Variants in CEP89 observed in about 807,000 individuals in gnomAD.
CEP89 encodes centrosomal protein 89, also known as centrosomal protein of 89 kDa.
A neutral mutation model predicts 97.6 loss-of-function variants in CEP89; 95 were observed. The observed-to-expected ratio is 0.97, with a 90% CI of 0.82 to 1.15. The LOEUF is 1.15. Among genes scored for constraint, CEP89 ranks in the 50% most tolerant of loss-of-function variants. CEP89 has a pLI of 0.00. For synonymous variants in CEP89, 354 were observed against 349.1 expected (o/e 1.01, Z -0.16); for missense variants, 869 against 947.7 (o/e 0.92, Z 1.09).
At chr19:32,969,742 C>G (rs1007906643) in intron 1 of CEP89, 1 of 152,292 alleles carries the variant, frequency 6.6e-6, no homozygotes, top group Non-Finnish European at 1.5e-5. Context: ...CTCCTGCCTG[C>G]GCGGCTGCAG....
At chr19:32,884,903 T>C (rs1969362560) in intron 17 of CEP89, among the ~76,000 whole-genome samples, 1 of 152,210 alleles carries the variant, frequency 6.6e-6, no homozygotes, top group Non-Finnish European at 1.5e-5. Context: ...TTCTTGTAGT[T>C]GGCTTTATTC....
intron 3 of CEP89, among the ~76,000 whole-genome samples, chr19:32,956,751 T>C (rs1158985183): frequency 6.6e-6 from 1 of 152,240 alleles, no homozygotes; most frequent in Admixed American, 6.5e-5. Flanking sequence ...TTTTCTGTTC[T>C]ATTAATATTA....
intron 14 of CEP89, among the ~76,000 whole-genome samples, chr19:32,904,595 C>CTT: frequency 1.5e-5 from 2 of 136,272 alleles, no homozygotes; most frequent in African/African-American, 5.7e-5. Context: ...TTTCTTTCTT[C>CTT]CTTTTTTTTT....
rs1971130841 is a variant in CEP89 at position 32,959,965 on chromosome 19, A to G, written c.240T>C (p.Asp80=). ...QPRQRSRSES[D]VSSVEQDSFI... is the part of the protein sequence containing the mutation. ...AGCTGTCCTGTTCAACACTGCTCAC[A>G]TCACTCTCAGACCGGGACCTCTGGC... The change falls in exon 3 of 19, where the codon GAT becomes GAC. Residue 80 remains aspartate (D), a synonymous_variant. Coordinates refer to ENST00000305768, the MANE Select transcript of CEP89 (RefSeq NM_032816.5). 8 of 1,614,070 alleles carry G rather than the reference A, an allele frequency of 5.0e-6. No individual in the cohort carries two copies. The highest frequency in any genetic ancestry group is 6.8e-6 in the Non-Finnish European group (8 of 1,180,034).
chr19:32,922,478 G>C (rs914626108), intron 12 of CEP89, among the ~76,000 whole-genome samples: 3 of 152,164 alleles, frequency 2.0e-5, no homozygotes, highest in Non-Finnish European at 4.4e-5. Context: ...AGGAGGTTGA[G>C]GCTGCAGTGA....
chr19:32,882,918 G>A (rs1034929052), intron 17 of CEP89, among the ~76,000 whole-genome samples: 4 of 152,168 alleles, frequency 2.6e-5, no homozygotes, highest in South Asian at 4.2e-4. Context: ...GAGTGCAGTG[G>A]CGCAATATCA....
intron 12 of CEP89, among the ~76,000 whole-genome samples, chr19:32,920,219 G>A (rs1031276247): frequency 6.6e-6 from 1 of 151,802 alleles, no homozygotes; most frequent in Non-Finnish European, 1.5e-5. Context: ...TAATTGTTTT[G>A]TTTTTGTTTT....
At chr19:32,951,157 T>C (rs1435602911) in intron 4 of CEP89, among the ~76,000 whole-genome samples, 1 of 152,188 alleles carries the variant, frequency 6.6e-6, no homozygotes, top group African/African-American at 2.4e-5. Context: ...ATAAGTCTAC[T>C]AAAAACATAC....
chr19:32,905,491 ATT>A (rs71176166), intron 14 of CEP89, among the ~76,000 whole-genome samples: 3 of 150,392 alleles, frequency 2.0e-5, no homozygotes, highest in African/African-American at 7.3e-5. Context: ...TCAAAGGAAG[ATT>A]TTTTTTTTTA....
intron 14 of CEP89, among the ~76,000 whole-genome samples, chr19:32,906,945 C>T (rs564201266): frequency 6.6e-6 from 1 of 152,242 alleles, no homozygotes; most frequent in Non-Finnish European, 1.5e-5. Context: ...GAGATCCTCC[C>T]GCCCTGGCCT....
At chr19:32,964,362 G>A (rs1161129150) in intron 2 of CEP89, among the ~76,000 whole-genome samples, 1 of 152,092 alleles carries the variant, frequency 6.6e-6, no homozygotes, top group Non-Finnish European at 1.5e-5. Flanking sequence ...AGTGGAGATA[G>A]GTTTTCACCG....
chr19:32,948,366 C>T lies in CEP89; in HGVS notation c.495G>A (p.Val165=), dbSNP rs775579685. The part of the protein sequence containing the change: ...DLYAVPHRNQ[V]PLLHEVNSED... ...CACTGTTCACCTCATGTAACAATGG[C>T]ACCTTTTTGTTATAAAAGACAAAGG... The change falls in exon 5 of 19, where the codon GTG becomes GTA. Residue 165 remains valine (V), a splice_region_variant and synonymous_variant. Coordinates refer to ENST00000305768, the MANE Select transcript of CEP89 (RefSeq NM_032816.5). The T allele has an allele frequency of 1.9e-6, 3 of 1,593,736 alleles. No homozygotes were observed. Among genetic ancestry groups the T allele is most frequent in the Admixed American group, 1.8e-5 (1 of 57,068 alleles).
rs143380110 is a variant in CEP89, at chr19:32,953,699, G to A, written c.408C>T (p.Ser136=). ...CACTGACATCCCCCAATTCCTTGCC[G>A]CTGGATGACAGCTGAGTTTCAATGT... ...EEDIETQLSS[S]GKELGDVSAR... The change falls in exon 4 of 19, where the codon AGC becomes AGT. Residue 136 remains serine (S), a synonymous_variant. Coordinates refer to ENST00000305768, the MANE Select transcript of CEP89 (RefSeq NM_032816.5). The A allele has an allele frequency of 6.8e-6, 11 of 1,613,738 alleles. No homozygotes were observed. The African/African-American group carries it at 1.1e-4, about 16-fold the overall frequency.
intron 12 of CEP89, among the ~76,000 whole-genome samples, chr19:32,919,482 T>A (rs1036217): frequency 6.6e-6 from 1 of 151,998 alleles, no homozygotes; most frequent in African/African-American, 2.4e-5. Flanking sequence ...GCTGTAACAA[T>A]GGTGTGGCCC....
chr19:32,952,402 G>T (rs1387405609), intron 4 of CEP89, among the ~76,000 whole-genome samples: 1 of 151,306 alleles, frequency 6.6e-6, no homozygotes, highest in African/African-American at 2.4e-5. Context: ...GATCACTTGA[G>T]CCCAGGAGGA....
intron 17 of CEP89, among the ~76,000 whole-genome samples, chr19:32,882,937 C>A (rs1369332967): frequency 6.6e-6 from 1 of 152,078 alleles, no homozygotes; most frequent in Non-Finnish European, 1.5e-5. Flanking sequence ...CAGCTCACTG[C>A]AAGCTCCGCC....
intron 10 of CEP89, among the ~76,000 whole-genome samples, chr19:32,926,484 T>G (rs1266746504): frequency 6.6e-6 from 1 of 152,146 alleles, no homozygotes; most frequent in Non-Finnish European, 1.5e-5. Flanking sequence ...ATATGGCCAC[T>G]TAAATGAGGA....
intron 5 of CEP89, among the ~76,000 whole-genome samples, chr19:32,942,966 C>G (rs1042637423): frequency 6.6e-5 from 10 of 152,196 alleles, no homozygotes; most frequent in African/African-American, 2.4e-4. Flanking sequence ...CTGCCTCAGC[C>G]TCCAGCTGCC....
At chr19:32,913,310 TTTG>T (rs376031677) in intron 14 of CEP89, among the ~76,000 whole-genome samples, 12,406 of 45,310 alleles carry the variant, frequency 0.27, 626 homozygotes, top group East Asian at 0.51. Context: ...TATATATTTT[TTTG>T]TTGTTGTTGT....
Sources: gnomAD v4.1 joint callset for allele counts (sites outside exome capture counted in the v4.1 genomes callset) on GRCh38, gnomAD v4.1.1 for gene constraint, MANE v1.5 for transcripts, NCBI Gene and HGNC (gene_info 2026-07-23, HGNC 2026-07-21) for gene names.